Variants in PLXDC2 observed in about 807,000 individuals in gnomAD.
PLXDC2 encodes plexin domain containing 2.
Under a neutral mutation model 68.9 loss-of-function variants are expected in PLXDC2, and 40 were observed. That is an observed-to-expected ratio of 0.58 (90% CI 0.45 to 0.76). PLXDC2 has a LOEUF of 0.76. Ranked by LOEUF, PLXDC2 falls within the 30% of genes least tolerant of loss-of-function variation. The pLI is 0.00. For synonymous variants in PLXDC2, 243 were observed against 234.2 expected, an observed-to-expected ratio of 1.04 and a Z score of -0.34; for missense variants, 644 against 661.9, an observed-to-expected ratio of 0.97 and a Z score of 0.30.
intron 4 of PLXDC2, among the ~76,000 whole-genome samples, chr10:20,096,105 C>A (rs1001472160): frequency 6.6e-6 from 1 of 152,066 alleles, no homozygotes; most frequent in Non-Finnish European, 1.5e-5. Flanking sequence ...TGGAATACTT[C>A]CGGAATGCTG....
chr10:20,273,599 C>A (rs1835967385), intron 13 of PLXDC2, among the ~76,000 whole-genome samples: 1 of 152,206 alleles, frequency 6.6e-6, no homozygotes, highest in South Asian at 2.1e-4. Context: ...TGCATCCCTT[C>A]AATCACATGT....
At chr10:20,174,566 A>T (rs1420755053) in intron 7 of PLXDC2, among the ~76,000 whole-genome samples, 5 of 152,078 alleles carry the variant, frequency 3.3e-5, no homozygotes, top group Non-Finnish European at 7.4e-5. Context: ...CCCCTTCTGC[A>T]GTATAATGTC....
intron 9 of PLXDC2, among the ~76,000 whole-genome samples, chr10:20,207,412 G>A (rs961738217): frequency 1.8e-4 from 28 of 152,086 alleles, no homozygotes; most frequent in African/African-American, 5.6e-4. Flanking sequence ...ATTTGGCACC[G>A]TCTTGTTAAA....
At position 19,950,465 on chromosome 10, in the gene PLXDC2, C is replaced by T. The variant is rs375762297; in HGVS notation, c.113-51310C>T. ...ACATCTAACCAAGGAGGTGAAAGAT[C>T]TCTACAAGGAGAACTAAAAAATATT... On this transcript the variant is annotated intron_variant, in intron 1 of 13. Transcript: ENST00000377252. 4.6e-5 allele frequency among the ~76,000 whole-genome samples: 7 copies of T among 152,226 alleles called. No individual in the cohort carries two copies. The East Asian group carries it at 1.2e-3, about 25-fold the overall frequency.
In PLXDC2 at chr10:19,824,530, AAAGCT is replaced by A. The variant is rs755774619; in HGVS notation, c.112+7340_112+7344del. ...GGCTTTATTCTGAGCACATTTTCCC[AAAGCT>A]GTAATTATCTCTGTAGAGTACTCCA... On this transcript the variant is annotated intron_variant, in intron 1 of 13. Transcript: ENST00000377252. Among the ~76,000 whole-genome samples, 64 of 152,180 alleles carry A rather than the reference AAAGCT, an allele frequency of 4.2e-4. 1 individual carries two copies. The highest frequency in any genetic ancestry group is 7.6e-4 in the Non-Finnish European group (52 of 68,022).
intron 1 of PLXDC2, among the ~76,000 whole-genome samples, chr10:19,930,749 G>A (rs1293040988): frequency 6.6e-6 from 1 of 152,166 alleles, no homozygotes. Context: ...GGTCACCTGA[G>A]GTTGGGAGTT....
chr10:20,171,701 G>A (rs1436679143), intron 7 of PLXDC2, among the ~76,000 whole-genome samples: 1 of 152,064 alleles, frequency 6.6e-6, no homozygotes, highest in African/African-American at 2.4e-5. Context: ...TTTATGAACA[G>A]GGAAGGCTTT....
chr10:20,134,148 T>G (rs573230884), intron 4 of PLXDC2, among the ~76,000 whole-genome samples: 128 of 152,340 alleles, frequency 8.4e-4, no homozygotes, highest in African/African-American at 3.0e-3. Context: ...ACTTGTGTTC[T>G]CCTGTAGCTC....
At chr10:19,875,647 G>A (rs1280910199) in intron 1 of PLXDC2, among the ~76,000 whole-genome samples, 1 of 152,206 alleles carries the variant, frequency 6.6e-6, no homozygotes, top group African/African-American at 2.4e-5. Flanking sequence ...ATGCTCAGCT[G>A]AACATAAATA....
Position 19,877,475 on chromosome 10 carries a change from A to T in PLXDC2, c.112+60284A>T, listed in dbSNP as rs116157061. ...TTTTCTCATACACCCATGCATCTAGATATGACTATGTGACTAAGTTTTTGC... is the reference window on the plus strand; with the variant it reads ...TTTTCTCATACACCCATGCATCTAGTTATGACTATGTGACTAAGTTTTTGC... On this transcript the variant is annotated intron_variant, in intron 1 of 13. Transcript: ENST00000377252. Among the ~76,000 whole-genome samples the T allele has an allele frequency of 3.3e-3, 510 of 152,330 alleles. 4 individuals are homozygous for T. The highest frequency in any genetic ancestry group is 0.011 in the African/African-American group (476 of 41,580).
At chr10:20,050,973 T>C (rs1554762248) in intron 3 of PLXDC2, among the ~76,000 whole-genome samples, 1 of 151,972 alleles carries the variant, frequency 6.6e-6, no homozygotes, top group Non-Finnish European at 1.5e-5. Context: ...AGCAAAGACA[T>C]GGAATCAACC....
intron 4 of PLXDC2, among the ~76,000 whole-genome samples, chr10:20,100,478 A>G (rs1564315150): frequency 6.6e-6 from 1 of 152,178 alleles, no homozygotes; most frequent in Non-Finnish European, 1.5e-5. Flanking sequence ...TGGAAGTACA[A>G]TGAACATTGT....
At chr10:20,250,508 A>G (rs2119345871) in intron 13 of PLXDC2, among the ~76,000 whole-genome samples, 1 of 152,314 alleles carries the variant, frequency 6.6e-6, no homozygotes, top group South Asian at 2.1e-4. Flanking sequence ...TACAAAGATT[A>G]TCTTCATCTC....
chr10:19,905,046 A>G (rs1564624725), intron 1 of PLXDC2, among the ~76,000 whole-genome samples: 2 of 152,122 alleles, frequency 1.3e-5, no homozygotes, highest in Admixed American at 6.5e-5. Context: ...GCACAGAAAT[A>G]CTCTGTGCTG....
rs1050080330 is a variant in PLXDC2 at position 20,143,551 on chromosome 10, A to G, written c.664+134A>G. On this transcript the variant is annotated intron_variant, in intron 5 of 13. Transcript: ENST00000377252. ...TTGATGCAAATGGTCTGAGAGGACA[A>G]ATATTATACTGCTAAGATTTATAAA... 13 of 1,033,118 alleles carry G rather than the reference A, an allele frequency of 1.3e-5. No homozygotes were observed. The African/African-American group carries it at 1.6e-4, about 13-fold the overall frequency. The allele number at this position is 1,033,118 out of a possible 1,614,324, so 64.0% of individuals were successfully genotyped here.
intron 4 of PLXDC2, among the ~76,000 whole-genome samples, chr10:20,127,121 T>C (rs1421114709): frequency 6.6e-6 from 1 of 152,038 alleles, no homozygotes; most frequent in Non-Finnish European, 1.5e-5. Flanking sequence ...AGACTCTCGA[T>C]TTGGGAATGT....
At chr10:20,033,417 G>A (rs1835532462) in intron 2 of PLXDC2, among the ~76,000 whole-genome samples, 1 of 152,026 alleles carries the variant, frequency 6.6e-6, no homozygotes, top group Non-Finnish European at 1.5e-5. Flanking sequence ...TCTTCATTTT[G>A]GCATTCCAAG....
At chr10:19,846,127 T>C (rs1028199068) in intron 1 of PLXDC2, among the ~76,000 whole-genome samples, 3 of 152,190 alleles carry the variant, frequency 2.0e-5, no homozygotes, top group Admixed American at 2.0e-4. Flanking sequence ...GTCCAACCTT[T>C]CACTTCTTCC....
intron 4 of PLXDC2, among the ~76,000 whole-genome samples, chr10:20,125,366 G>C (rs1370693932): frequency 1.3e-5 from 2 of 152,162 alleles, no homozygotes; most frequent in African/African-American, 4.8e-5. Context: ...AACACAATTG[G>C]ATGGTGTATT....
Sources: allele counts gnomAD v4.1 joint callset (sites outside exome capture counted in the v4.1 genomes callset), GRCh38; gene constraint gnomAD v4.1.1; transcripts MANE v1.5; gene names NCBI Gene and HGNC (gene_info 2026-07-23, HGNC 2026-07-21).